Variants in SLC2A10 observed in about 807,000 individuals in gnomAD.
SLC2A10 encodes the protein solute carrier family 2 member 10.
Under a neutral mutation model 32.1 loss-of-function variants are expected in SLC2A10, and 25 were observed. That is an observed-to-expected ratio of 0.78 (90% confidence interval 0.57 to 1.09). The LOEUF (loss-of-function observed/expected upper bound fraction) is 1.09, where lower values mean the gene tolerates loss of function less well. Among genes scored for constraint, SLC2A10 ranks in the 50% least tolerant of loss-of-function variants. SLC2A10 has a pLI of 0.00. For synonymous variants in SLC2A10, 332 were observed against 309.6 expected, an observed-to-expected ratio of 1.07 and a Z score of -0.76; for missense variants, 673 against 686.5, an observed-to-expected ratio of 0.98 and a Z score of 0.22.
intron 4 of SLC2A10, 136 bp downstream of exon 4, chr20:46,729,624 AGTTTTTTTTTTTTTT>A: frequency 1.1e-5 from 4 of 372,654 alleles, no homozygotes; most frequent in East Asian, 5.0e-5. Flanking sequence ...GGGCACTATG[AGTTTTTTTTTTTTTT>A]TTTTTTTTTT....
At position 46,726,889 on chromosome 20, in the gene SLC2A10, C is replaced by T. The variant is rs1430579099; in HGVS notation, c.1314C>T (p.Ile438=). ...GPVTWLVLSE[I]YPVEIRGRAF... Reference sequence around the variant, plus strand: ...TGACCTGGCTTGTCCTCAGCGAGATCTACCCTGTGGAGATACGAGGAAGAG... The same window carrying T: ...TGACCTGGCTTGTCCTCAGCGAGATTTACCCTGTGGAGATACGAGGAAGAG... Residue 438 remains isoleucine, a synonymous_variant, in exon 3 of 5, where the codon ATC becomes ATT. Transcript: ENST00000359271. The T allele has an allele frequency of 1.2e-6, 2 of 1,614,166 alleles. No individual in the cohort carries two copies. The highest frequency in any genetic ancestry group is 2.2e-5 in the East Asian group (1 of 44,878).
Position 46,735,717 on chromosome 20 carries a change from A to T in SLC2A10, c.*1883A>T, listed in dbSNP as rs1305249987. On this transcript the variant is annotated 3_prime_UTR_variant, in exon 5 of 5. Coordinates refer to ENST00000359271, the MANE Select transcript of SLC2A10 (RefSeq NM_030777.4). ...TTGTTGATTTTCTAGACTTCAGAAC[A>T]TGCTGGATAAAATGTCAGTAATGCA... 6.6e-6 allele frequency: 1 copy of T among 152,238 alleles called. No individual in the cohort carries two copies. The highest frequency in any genetic ancestry group is 2.4e-5 in the African/African-American group (1 of 41,454). 9.4% of individuals were successfully genotyped at this position (152,238 alleles called of 1,614,324 possible). A position where few individuals can be genotyped will look rare whatever the true frequency, so the allele number is the denominator to read the frequency against.
At chr20:46,714,041 T>G (rs538834523) in intron 1 of SLC2A10, among the ~76,000 whole-genome samples, 118 of 149,648 alleles carry the variant, frequency 7.9e-4, no homozygotes, top group African/African-American at 2.8e-3. Context: ...GTACTGAGAT[T>G]AAAAAAAAAA....
intron 1 of SLC2A10, among the ~76,000 whole-genome samples, chr20:46,722,166 T>C (rs1979593562): frequency 6.6e-6 from 1 of 152,232 alleles, no homozygotes; most frequent in South Asian, 2.1e-4. Flanking sequence ...TTCTTGACCT[T>C]CCTGTTTTCC....
rs150398871 is a variant in SLC2A10, at chr20:46,729,387, C to G, written c.1446C>G (p.Tyr482Ter). 6.2e-7 allele frequency: 1 copy of G among 1,613,984 alleles called. No homozygotes were observed. The change falls in exon 4 of 5, where the codon TAC (tyrosine) becomes TAG (stop). Residue 482 changes from tyrosine to a stop codon, truncating the protein, a stop_gained. Transcript: ENST00000359271. LOFTEE classifies it high-confidence loss of function. Reference protein sequence around the residue: ...TIGLSWTFLLYGLTAVLGLGF... With the variant: ...TIGLSWTFLL ...GCTTGTCCTGGACCTTCCTGCTCTACGGACTGACCGCTGTCCTCGGCCTGG... is the reference window on the plus strand; with the variant it reads ...GCTTGTCCTGGACCTTCCTGCTCTAGGGACTGACCGCTGTCCTCGGCCTGG...
intron 1 of SLC2A10, among the ~76,000 whole-genome samples, chr20:46,711,956 A>T (rs1978939078): frequency 6.6e-6 from 1 of 152,196 alleles, no homozygotes; most frequent in Non-Finnish European, 1.5e-5. Flanking sequence ...ATTGCACCCA[A>T]TATTGGGATT....
upstream of SLC2A10, among the ~76,000 whole-genome samples, chr20:46,709,146 G>A (rs1346982899): frequency 1.3e-5 from 2 of 152,322 alleles, no homozygotes; most frequent in East Asian, 1.9e-4. Flanking sequence ...CAAGCCTAGC[G>A]TAGTGCCTGG....
At chr20:46,709,468 CG>C (rs1371096491), upstream of SLC2A10, 2 of 441,864 alleles carry the variant, frequency 4.5e-6, no homozygotes, top group Non-Finnish European at 7.9e-6. Flanking sequence ...TGGGGGCCCC[CG>C]GGAGGACAGT....
At position 46,722,601 on chromosome 20, in the gene SLC2A10, G is replaced by C. The variant is rs1979622537; in HGVS notation, c.5-2440G>C. On this transcript the variant is annotated intron_variant, in intron 1 of 4. Coordinates refer to ENST00000359271, the MANE Select transcript of SLC2A10 (RefSeq NM_030777.4). ...GTGGGGCCCAAATATCCATCATCAT[G>C]GTGGTTTCACTTCAAGATGGCCTCA... 2.0e-5 allele frequency among the ~76,000 whole-genome samples: 3 copies of C among 152,284 alleles called. No homozygotes were observed. The South Asian group carries it at 6.2e-4, about 32-fold the overall frequency.
In SLC2A10 at chr20:46,733,915, C is replaced by T; in HGVS notation, c.*81C>T. ...ATCCTGCTTCCTAGGCCCCAGAGCA[C>T]AAGTTCCAGCTGGTCTTTTGGGAGT... On this transcript the variant is annotated 3_prime_UTR_variant, in exon 5 of 5. Coordinates refer to ENST00000359271, the MANE Select transcript of SLC2A10 (RefSeq NM_030777.4). 1 of 1,374,830 alleles carries T rather than the reference C, an allele frequency of 7.3e-7. No homozygotes were observed. Among genetic ancestry groups the T allele is most frequent in the Non-Finnish European group, 1.0e-6 (1 of 975,584 alleles). 85.2% of individuals were successfully genotyped at this position (1,374,830 alleles called of 1,614,324 possible).
In SLC2A10 at chr20:46,726,976, C is replaced by T. The variant is rs774586341; in HGVS notation, c.1401C>T (p.Leu467=). ...AANLFISLSF[L]DLIGTIGLSW... ...ACCTCTTCATCAGCCTCTCCTTCCTCGATCTCATTGGTGAGTCCTTCCCAG... is the reference window on the plus strand; with the variant it reads ...ACCTCTTCATCAGCCTCTCCTTCCTTGATCTCATTGGTGAGTCCTTCCCAG... Residue 467 remains leucine (L), a synonymous_variant, in exon 3 of 5, where the codon CTC becomes CTT. Coordinates refer to ENST00000359271, the MANE Select transcript of SLC2A10 (RefSeq NM_030777.4). The T allele has an allele frequency of 6.8e-5, 110 of 1,614,244 alleles. No individual in the cohort carries two copies. Among genetic ancestry groups the T allele is most frequent in the Middle Eastern group, 6.6e-4 (4 of 6,062 alleles).
chr20:46,719,218 C>G (rs1979421435), intron 1 of SLC2A10, among the ~76,000 whole-genome samples: 1 of 151,970 alleles, frequency 6.6e-6, no homozygotes, highest in Admixed American at 6.6e-5. Flanking sequence ...TGCCAGGAAC[C>G]AACAGGCTTA....
intron 1 of SLC2A10, among the ~76,000 whole-genome samples, chr20:46,712,508 A>T (rs1359121720): frequency 6.6e-6 from 1 of 152,160 alleles, no homozygotes; most frequent in Non-Finnish European, 1.5e-5. Context: ...AGTGTGGGAC[A>T]TCTTCACTAC....
At chr20:46,731,580 C>G (rs2425911) in intron 4 of SLC2A10, among the ~76,000 whole-genome samples, 42,712 of 151,970 alleles carry the variant, frequency 0.28, 7,063 homozygotes, top group East Asian at 0.58. Context: ...TGCGGGGTGT[C>G]AGCCTGGACC....
At chr20:46,722,364 A>G (rs1042106110) in intron 1 of SLC2A10, among the ~76,000 whole-genome samples, 3 of 152,232 alleles carry the variant, frequency 2.0e-5, no homozygotes, top group Non-Finnish European at 4.4e-5. Context: ...GCCATATCTC[A>G]GGTAGCCACA....
chr20:46,720,257 G>A (rs751244899), intron 1 of SLC2A10, among the ~76,000 whole-genome samples: 3 of 152,218 alleles, frequency 2.0e-5, no homozygotes, highest in Non-Finnish European at 2.9e-5. Context: ...CACAGCTCTC[G>A]GATCACTGGA....
At chr20:46,724,942 G>A (rs1469626498) in intron 1 of SLC2A10, 99 bp from the exon 2 acceptor site, 54 of 1,496,562 alleles carry the variant, frequency 3.6e-5, no homozygotes, top group Non-Finnish European at 5.0e-5. Context: ...GTAGATGGAT[G>A]GATAAATGAA....
At position 46,716,797 on chromosome 20, in the gene SLC2A10, C is replaced by T. The variant is rs1051379469; in HGVS notation, c.4+7057C>T. ...CAGCATTTTGGGAGACTGAGGCGGG[C>T]GGATCACCAGAGGTCAGGAGTTCGA... On this transcript the variant is annotated intron_variant, in intron 1 of 4. Transcript: ENST00000359271. Among the ~76,000 whole-genome samples the T allele has an allele frequency of 3.6e-3, 548 of 152,010 alleles. 4 individuals are homozygous for T. Among genetic ancestry groups the T allele is most frequent in the African/African-American group, 0.012 (507 of 41,486 alleles).
chr20:46,733,100 T>A (rs1980381389), intron 4 of SLC2A10, among the ~76,000 whole-genome samples: 1 of 152,150 alleles, frequency 6.6e-6, no homozygotes, highest in South Asian at 2.1e-4. Flanking sequence ...CTCACATTGC[T>A]ATGAAGAAAT....
Sources: gnomAD v4.1 joint callset for allele counts (sites outside exome capture counted in the v4.1 genomes callset) on GRCh38, gnomAD v4.1.1 for gene constraint, MANE v1.5 for transcripts, NCBI Gene and HGNC (gene_info 2026-07-23, HGNC 2026-07-21) for gene names.